Variants in GHR observed in about 807,000 individuals in gnomAD.
GHR encodes the protein growth hormone receptor.
A neutral mutation model predicts 67.1 loss-of-function variants in GHR; 35 were observed. The observed-to-expected ratio is 0.52, with a 90% confidence interval of 0.40 to 0.69. The LOEUF (loss-of-function observed/expected upper bound fraction) is 0.69. GHR is among the 30% of genes least tolerant of loss of function. The probability of loss-of-function intolerance (pLI) is 0.00; values close to 1 mark genes in which losing one functional copy is unlikely to be tolerated. For synonymous variants in GHR, 272 were observed against 269.1 expected (o/e 1.01, Z -0.10); for missense variants, 792 against 764.6 (o/e 1.04, Z -0.42).
chr5:42,598,765 T>C (rs751356016), intron 2 of GHR, among the ~76,000 whole-genome samples: 11 of 152,244 alleles, frequency 7.2e-5, no homozygotes, highest in Admixed American at 5.2e-4. Context: ...CTGCCTCTAG[T>C]TCCAGAATTT....
chr5:42,547,476 G>A (rs1041749588), intron 1 of GHR, among the ~76,000 whole-genome samples: 1 of 149,034 alleles, frequency 6.7e-6, no homozygotes, highest in East Asian at 2.0e-4. Flanking sequence ...TAGAAAGCTG[G>A]TTTTTTTTTT....
At chr5:42,509,661 C>G (rs1746926425) in intron 1 of GHR, among the ~76,000 whole-genome samples, 1 of 151,928 alleles carries the variant, frequency 6.6e-6, no homozygotes, top group Non-Finnish European at 1.5e-5. Context: ...TATTTATTTT[C>G]TCCCTCCACC....
chr5:42,570,602 C>G (rs1208660811), intron 2 of GHR, among the ~76,000 whole-genome samples: 1 of 152,072 alleles, frequency 6.6e-6, no homozygotes, highest in Non-Finnish European at 1.5e-5. Flanking sequence ...GTGCAGGCCC[C>G]AAACAGTTCT....
At chr5:42,715,448 C>T (rs562715028) in intron 8 of GHR, among the ~76,000 whole-genome samples, 1 of 152,166 alleles carries the variant, frequency 6.6e-6, no homozygotes, top group Non-Finnish European at 1.5e-5. Flanking sequence ...ACCCACTTCA[C>T]CCTGCTTTAA....
intron 6 of GHR, among the ~76,000 whole-genome samples, chr5:42,710,875 A>G (rs1209603984): frequency 2.0e-5 from 3 of 152,186 alleles, no homozygotes; most frequent in Non-Finnish European, 4.4e-5. Context: ...CCAGATATGT[A>G]GGCATATAGT....
At chr5:42,635,761 A>G (rs1298310437) in intron 3 of GHR, among the ~76,000 whole-genome samples, 5 of 152,192 alleles carry the variant, frequency 3.3e-5, no homozygotes, top group Admixed American at 3.3e-4. Flanking sequence ...GCATTGACTT[A>G]GGCACTATTA....
intron 2 of GHR, among the ~76,000 whole-genome samples, chr5:42,590,144 AT>A (rs1180841081): frequency 6.6e-6 from 1 of 152,204 alleles, no homozygotes; most frequent in Non-Finnish European, 1.5e-5. Context: ...GTGAGAAGTA[AT>A]TGCTCTTTAC....
At chr5:42,442,047 C>A (rs545945931) in intron 1 of GHR, among the ~76,000 whole-genome samples, 1 of 152,224 alleles carries the variant, frequency 6.6e-6, no homozygotes, top group East Asian at 1.9e-4. Context: ...GTGATGTGTG[C>A]AGATGCAGAG....
chr5:42,478,400 GT>G (rs1745444084), intron 1 of GHR, among the ~76,000 whole-genome samples: 1 of 152,128 alleles, frequency 6.6e-6, no homozygotes, highest in East Asian at 1.9e-4. Context: ...CTTTAAAGTA[GT>G]TTTTTCCAAT....
intron 1 of GHR, among the ~76,000 whole-genome samples, chr5:42,473,791 C>T (rs1422395201): frequency 1.3e-5 from 2 of 151,410 alleles, no homozygotes; most frequent in South Asian, 2.1e-4. Context: ...GCAGGAGAAT[C>T]GCTTGAACCA....
At chr5:42,450,629 C>T (rs1315067246) in intron 1 of GHR, among the ~76,000 whole-genome samples, 2 of 151,766 alleles carry the variant, frequency 1.3e-5, no homozygotes, top group Non-Finnish European at 2.9e-5. Context: ...GTTTCAGTTT[C>T]ATTTAGTTCT....
intron 3 of GHR, among the ~76,000 whole-genome samples, chr5:42,636,649 G>T (rs1754209103): frequency 6.6e-6 from 1 of 152,168 alleles, no homozygotes. Context: ...TCCTAGTGGG[G>T]AACAGTTTTT....
chr5:42,435,051 C>A (rs549236966), intron 1 of GHR, among the ~76,000 whole-genome samples: 1 of 152,286 alleles, frequency 6.6e-6, no homozygotes, highest in African/African-American at 2.4e-5. Context: ...TAGTGCCTGG[C>A]ACATATTGGG....
chr5:42,671,530 T>C (rs1351827913), intron 3 of GHR, among the ~76,000 whole-genome samples: 12 of 149,742 alleles, frequency 8.0e-5, no homozygotes, highest in Non-Finnish European at 1.6e-4. Flanking sequence ...TGGTTCAACA[T>C]ACACAGATCA....
chr5:42,610,749 T>TC (rs754956647), intron 2 of GHR, among the ~76,000 whole-genome samples: 1 of 150,920 alleles, frequency 6.6e-6, no homozygotes, highest in Non-Finnish European at 1.5e-5. Context: ...GGAGGGAAAG[T>TC]CTTAGACATC....
intron 6 of GHR, among the ~76,000 whole-genome samples, chr5:42,710,751 C>T (rs1579658527): frequency 6.6e-6 from 1 of 152,070 alleles, no homozygotes; most frequent in African/African-American, 2.4e-5. Context: ...AATGACTACC[C>T]GGAATTTCCA....
intron 1 of GHR, among the ~76,000 whole-genome samples, chr5:42,513,869 C>G (rs1220289721): frequency 6.6e-6 from 1 of 151,994 alleles, no homozygotes; most frequent in African/African-American, 2.4e-5. Flanking sequence ...TGTGTGTTAC[C>G]TTCCTGTCTT....
chr5:42,492,130 T>A (rs528400917), intron 1 of GHR, among the ~76,000 whole-genome samples: 60 of 152,336 alleles, frequency 3.9e-4, no homozygotes, highest in African/African-American at 1.4e-3. Flanking sequence ...CATAATGGTA[T>A]TACTTTTATG....
chr5:42,480,059 T>C (rs1579785449), intron 1 of GHR, among the ~76,000 whole-genome samples: 1 of 152,340 alleles, frequency 6.6e-6, no homozygotes, highest in East Asian at 1.9e-4. Flanking sequence ...CTGCTTTGAA[T>C]GTGTCCCAGA....
Sources: gnomAD v4.1 joint callset for allele counts (sites outside exome capture counted in the v4.1 genomes callset) on GRCh38, gnomAD v4.1.1 for gene constraint, MANE v1.5 for transcripts, NCBI Gene and HGNC (gene_info 2026-07-23, HGNC 2026-07-21) for gene names.